Variants in MALT1 observed in about 807,000 individuals in gnomAD.
MALT1 encodes the protein mucosa-associated lymphoid tissue lymphoma translocation protein 1.
Under a neutral mutation model 85.5 loss-of-function variants are expected in MALT1, and 36 were observed. That is an observed-to-expected ratio of 0.42 (90% CI 0.32 to 0.56). The LOEUF is 0.56. Among genes scored for constraint, MALT1 ranks in the 20% least tolerant of loss-of-function variants. The pLI is 0.10. For missense variants in MALT1, 716 were observed against 981.6 expected (o/e 0.73, Z 3.62); for synonymous variants, 359 against 361.3 (o/e 0.99, Z 0.07).
intron 2 of MALT1, among the ~76,000 whole-genome samples, chr18:58,688,147 G>A (rs997172109): frequency 5.3e-5 from 8 of 152,166 alleles, no homozygotes; most frequent in African/African-American, 1.4e-4. Context: ...GGTCCCTGTC[G>A]CACAAGGCTT....
intron 10 of MALT1, among the ~76,000 whole-genome samples, chr18:58,727,270 TTTTTGGGTTTTTTTTTTGG>T (rs71173076): frequency 0.29 from 11,828 of 41,470 alleles, 500 homozygotes; most frequent in South Asian, 0.53. Flanking sequence ...TACCTAAGGT[TTTTTGGGTTTTTTTTTTGG>T]TTTTGGGTTT....
chr18:58,739,171 C>A (rs2055267122), intron 13 of MALT1, among the ~76,000 whole-genome samples: 1 of 152,002 alleles, frequency 6.6e-6, no homozygotes, highest in South Asian at 2.1e-4. Flanking sequence ...TGAGATAAAT[C>A]ACTTTCATTG....
rs1165142299 is a variant in MALT1 at position 58,750,895 on chromosome 18, T to C, written c.*3053T>C. The C allele has an allele frequency of 1.3e-5, 2 of 152,186 alleles. No homozygotes were observed. Among genetic ancestry groups the C allele is most frequent in the Non-Finnish European group, 2.9e-5 (2 of 68,042 alleles). The allele number at this position is 152,186 out of a possible 1,614,324, so 9.4% of individuals were successfully genotyped here. A position where few individuals can be genotyped will look rare whatever the true frequency, so the allele number is the denominator to read the frequency against. ...AATGGGACTTCATCAAAATTAACTTTAGCGCCTTAAAGGACACCATTAAGA... is the reference window on the plus strand; with the variant it reads ...AATGGGACTTCATCAAAATTAACTTCAGCGCCTTAAAGGACACCATTAAGA... On this transcript the variant is annotated 3_prime_UTR_variant, in exon 17 of 17. Transcript: ENST00000649217.
intron 4 of MALT1, among the ~76,000 whole-genome samples, chr18:58,703,676 C>T (rs1380437226): frequency 2.0e-5 from 3 of 152,124 alleles, no homozygotes; most frequent in African/African-American, 7.2e-5. Context: ...GGAAACTGCC[C>T]CCATGATCCA....
At chr18:58,717,010 A>C (rs2054910363) in intron 9 of MALT1, among the ~76,000 whole-genome samples, 1 of 152,174 alleles carries the variant, frequency 6.6e-6, no homozygotes, top group Non-Finnish European at 1.5e-5. Context: ...GAAGCTGAGG[A>C]CATTTTTAGT....
At chr18:58,710,532 T>C (rs2054817551) in intron 6 of MALT1, among the ~76,000 whole-genome samples, 1 of 151,908 alleles carries the variant, frequency 6.6e-6, no homozygotes, top group African/African-American at 2.4e-5. Flanking sequence ...TACAAATAAA[T>C]AAATAAATTA....
Position 58,696,433 on chromosome 18 carries a change from C to T in MALT1, c.444C>T (p.Cys148=). ...VLAGQFVKLC[C]RATGHPFVQY... is the part of the protein sequence containing the mutation. The stretch of plus-strand genomic sequence containing the variant: ...CTGGACAGTTTGTGAAACTGTGTTG[C>T]CGGGCAACTGGACATCCTTTTGTTC... Residue 148 remains cysteine (C), a synonymous_variant, in exon 3 of 17, where the codon TGC becomes TGT. Coordinates refer to ENST00000649217, the MANE Select transcript of MALT1 (RefSeq NM_006785.4). 1 of 1,592,388 alleles carries T rather than the reference C, an allele frequency of 6.3e-7. No individual in the cohort carries two copies. Among genetic ancestry groups the T allele is most frequent in the South Asian group, 1.1e-5 (1 of 87,646 alleles).
intron 7 of MALT1, among the ~76,000 whole-genome samples, chr18:58,712,226 A>C (rs1375710389): frequency 1.3e-5 from 2 of 152,166 alleles, no homozygotes; most frequent in Non-Finnish European, 2.9e-5. Flanking sequence ...AATTAGATCC[A>C]AATTTTTTTC....
intron 3 of MALT1, among the ~76,000 whole-genome samples, chr18:58,698,041 TGTTG>T (rs1294668763): frequency 0.015 from 2,228 of 147,828 alleles, 31 homozygotes; most frequent in African/African-American, 0.033. Context: ...TGGGGTTTTT[TGTTG>T]TTGTTGTTGT....
chr18:58,744,248 A>G (rs947204135), intron 14 of MALT1, 90 bp from the exon 15 acceptor site: 2 of 820,582 alleles, frequency 2.4e-6, no homozygotes, highest in Middle Eastern at 2.7e-4. Context: ...GTTTTTAAGC[A>G]AAAGAAATGC....
intron 15 of MALT1, 30 bp downstream of exon 15, chr18:58,744,525 T>C (rs2055341642): frequency 8.1e-6 from 12 of 1,474,516 alleles, no homozygotes; most frequent in Middle Eastern, 1.8e-4. Context: ...TAAAATACAG[T>C]GATATATTCT....
intron 2 of MALT1, among the ~76,000 whole-genome samples, chr18:58,689,378 G>T (rs2054460909): frequency 6.6e-6 from 1 of 152,074 alleles, no homozygotes; most frequent in South Asian, 2.1e-4. Context: ...ACCTTGTGTG[G>T]TTATTTCAAA....
intron 10 of MALT1, among the ~76,000 whole-genome samples, chr18:58,725,879 G>A (rs1487555186): frequency 1.3e-5 from 2 of 152,100 alleles, no homozygotes; most frequent in Admixed American, 6.6e-5. Flanking sequence ...TGGCCAACAT[G>A]GTGAAACCCC....
intron 7 of MALT1, 144 bp from the exon 8 acceptor site, chr18:58,713,939 G>C (rs980605650): frequency 5.9e-6 from 3 of 510,832 alleles, no homozygotes; most frequent in Non-Finnish European, 1.1e-5. Context: ...TATTTGCATG[G>C]CTTCTTCATT....
At chr18:58,703,922 A>C (rs754624192) in intron 4 of MALT1, among the ~76,000 whole-genome samples, 6 of 152,222 alleles carry the variant, frequency 3.9e-5, no homozygotes, top group Non-Finnish European at 7.3e-5. Flanking sequence ...ATATATAGTC[A>C]TTGACCAGTC....
chr18:58,733,747 A>ATT, intron 11 of MALT1, 173 bp downstream of exon 11: 1 of 741,286 alleles, frequency 1.3e-6, no homozygotes. Context: ...ATATCTAATT[A>ATT]TTTTAACTCT....
At chr18:58,700,696 A>G in intron 4 of MALT1, 105 bp downstream of exon 4, 1 of 944,422 alleles carries the variant, frequency 1.1e-6, no homozygotes, top group South Asian at 2.4e-5. Context: ...AAACATAGCA[A>G]AATTTCACAT....
chr18:58,723,314 G>T, intron 10 of MALT1, 63 bp downstream of exon 10: 1 of 1,284,976 alleles, frequency 7.8e-7, no homozygotes, highest in Non-Finnish European at 1.1e-6. Flanking sequence ...TACAAGTTAG[G>T]TTAAGAATTG....
chr18:58,674,931 G>T (rs1025821149), intron 1 of MALT1, among the ~76,000 whole-genome samples: 12 of 152,032 alleles, frequency 7.9e-5, no homozygotes, highest in South Asian at 4.1e-4. Flanking sequence ...ATACAAATAA[G>T]TAAACCACAA....
Sources: allele counts gnomAD v4.1 joint callset (sites outside exome capture counted in the v4.1 genomes callset), GRCh38; gene constraint gnomAD v4.1.1; transcripts MANE v1.5; gene names NCBI Gene and HGNC (gene_info 2026-07-23, HGNC 2026-07-21).